The following ANKRD44 variants were observed in gnomAD, a reference collection of about 807,000 sequenced individuals.
The protein encoded by ANKRD44 is ankyrin repeat domain 44.
Under a neutral mutation model 116.0 loss-of-function variants are expected in ANKRD44, and 35 were observed. The ratio of observed to expected loss-of-function variants is 0.30; its 90% CI spans 0.23 to 0.40. The LOEUF is 0.40. Ranked by LOEUF, ANKRD44 falls within the 10% of genes least tolerant of loss-of-function variation. The pLI is 1.00. For synonymous variants in ANKRD44, 435 were observed against 461.8 expected (o/e 0.94, Z 0.74); for missense variants, 1,014 against 1,242.6 (o/e 0.82, Z 2.77).
At chr2:197,232,212 C>T (rs72928723) in intron 1 of ANKRD44, among the ~76,000 whole-genome samples, 5 of 152,290 alleles carry the variant, frequency 3.3e-5, no homozygotes, top group Non-Finnish European at 7.3e-5. Context: ...CAAAACTTCA[C>T]GCAGACCCAA....
intron 2 of ANKRD44, among the ~76,000 whole-genome samples, chr2:197,171,229 A>G (rs2080226353): frequency 6.6e-6 from 1 of 152,182 alleles, no homozygotes; most frequent in Non-Finnish European, 1.5e-5. Flanking sequence ...TTCTTTGAAG[A>G]TGATAGTGGC....
intron 21 of ANKRD44, among the ~76,000 whole-genome samples, chr2:197,003,778 C>T (rs1001939155): frequency 1.3e-5 from 2 of 152,060 alleles, no homozygotes; most frequent in East Asian, 3.9e-4. Flanking sequence ...TGTAGGTTCT[C>T]CAGTGCCAGA....
intron 21 of ANKRD44, among the ~76,000 whole-genome samples, chr2:196,974,664 C>G (rs1463155950): frequency 6.6e-6 from 1 of 151,894 alleles, no homozygotes; most frequent in Admixed American, 6.6e-5. Flanking sequence ...CCAAGGCAGG[C>G]AGATCACCTG....
intron 1 of ANKRD44, among the ~76,000 whole-genome samples, chr2:197,282,830 T>A (rs1896855): frequency 3.3e-5 from 5 of 152,114 alleles, no homozygotes; most frequent in Non-Finnish European, 7.3e-5. Context: ...TAATGACATG[T>A]GCCTGTAATC....
downstream of ANKRD44, among the ~76,000 whole-genome samples, chr2:196,983,032 T>C (rs564752839): frequency 1.5e-4 from 23 of 152,040 alleles, no homozygotes; most frequent in South Asian, 4.6e-3. Context: ...TGTTGGTGGG[T>C]TGGGGTAAGG....
intron 27 of ANKRD44, 131 bp downstream of exon 27, chr2:196,993,452 C>G: frequency 1.4e-6 from 1 of 721,700 alleles, no homozygotes; most frequent in Non-Finnish European, 2.3e-6. Context: ...CTTGATTTCT[C>G]ACACACAGGA....
At chr2:197,206,875 G>A (rs1231524223) in intron 1 of ANKRD44, among the ~76,000 whole-genome samples, 1 of 152,176 alleles carries the variant, frequency 6.6e-6, no homozygotes, top group Non-Finnish European at 1.5e-5. Context: ...TGCAAGGCCA[G>A]TACTCTTTAG....
At chr2:197,125,557 A>G (rs1353837938) in intron 5 of ANKRD44, 89 bp from the exon 6 acceptor site, 6 of 1,241,680 alleles carry the variant, frequency 4.8e-6, no homozygotes, top group Non-Finnish European at 7.1e-6. Flanking sequence ...CCAAATTAAC[A>G]TGAAATCTAA....
At chr2:197,206,735 A>G (rs554896510) in intron 1 of ANKRD44, among the ~76,000 whole-genome samples, 20 of 152,324 alleles carry the variant, frequency 1.3e-4, no homozygotes, top group East Asian at 5.8e-4. Flanking sequence ...ACAAACAAAA[A>G]GCATTTTGGT....
intron 16 of ANKRD44, among the ~76,000 whole-genome samples, chr2:197,070,075 T>A (rs913666406): frequency 2.0e-5 from 3 of 152,152 alleles, no homozygotes; most frequent in Non-Finnish European, 4.4e-5. Context: ...TGCAATTGAT[T>A]TTTATACGTT....
chr2:196,976,871 A>AGAAG (rs144104097), intron 21 of ANKRD44, among the ~76,000 whole-genome samples: 3 of 149,726 alleles, frequency 2.0e-5, no homozygotes, highest in Admixed American at 1.3e-4. Flanking sequence ...TTGTCTCAAA[A>AGAAG]GAAGGAAGGA....
At chr2:197,263,143 C>T (rs924268366) in intron 1 of ANKRD44, 1 of 480,442 alleles carries the variant, frequency 2.1e-6, no homozygotes, top group South Asian at 1.9e-5. Context: ...TCTCCACTCC[C>T]TCCTTGGTCA....
intron 19 of ANKRD44, 55 bp from the exon 20 acceptor site, chr2:197,007,978 C>A: frequency 8.7e-7 from 1 of 1,154,610 alleles, no homozygotes; most frequent in Non-Finnish European, 1.3e-6. Flanking sequence ...AAATATTCAT[C>A]ACTACCAGTA....
At position 197,256,573 on chromosome 2, in the gene ANKRD44, A is replaced by G. The variant is rs541289985; in HGVS notation, c.27+54005T>C. ...AGATGAACAGGAAAAAAAATATGTC[A>G]TGAACCTGAAGTTAAACATCTACTT... On this transcript the variant is annotated intron_variant, in intron 1 of 27. Coordinates refer to ENST00000282272, the MANE Select transcript of ANKRD44 (RefSeq NM_001195144.2). Among the ~76,000 whole-genome samples, 241 of 152,358 alleles carry G rather than the reference A, an allele frequency of 1.6e-3. 1 individual carries two copies. Among genetic ancestry groups the G allele is most frequent in the African/African-American group, 5.6e-3 (234 of 41,582 alleles).
intron 6 of ANKRD44, among the ~76,000 whole-genome samples, chr2:197,123,633 A>AAAAT (rs747069558): frequency 5.3e-5 from 8 of 152,198 alleles, no homozygotes; most frequent in Non-Finnish European, 7.3e-5. Context: ...CTTGTCTCAA[A>AAAAT]AAATAAATAA....
At chr2:197,026,268 G>A (rs1040216598) in intron 16 of ANKRD44, among the ~76,000 whole-genome samples, 2 of 152,182 alleles carry the variant, frequency 1.3e-5, no homozygotes, top group African/African-American at 4.8e-5. Flanking sequence ...TATTGCAGAG[G>A]TGGACCTACT....
chr2:197,183,015 C>T (rs1012696735), intron 2 of ANKRD44, among the ~76,000 whole-genome samples: 2 of 151,930 alleles, frequency 1.3e-5, no homozygotes, highest in African/African-American at 2.4e-5. Context: ...TGGAAGGACA[C>T]ATGGAATTGG....
intron 2 of ANKRD44, among the ~76,000 whole-genome samples, chr2:197,154,226 C>A (rs552608116): frequency 9.5e-5 from 13 of 137,270 alleles, no homozygotes; most frequent in African/African-American, 3.2e-4. Flanking sequence ...GTCGCCCAGG[C>A]TGGAGTGCAG....
At chr2:197,053,603 C>A (rs1378536440) in intron 16 of ANKRD44, among the ~76,000 whole-genome samples, 1 of 152,150 alleles carries the variant, frequency 6.6e-6, no homozygotes, top group African/African-American at 2.4e-5. Flanking sequence ...CCTGCCTCAG[C>A]CTCCCGAGTA....
Sources: allele counts gnomAD v4.1 joint callset (sites outside exome capture counted in the v4.1 genomes callset), GRCh38; gene constraint gnomAD v4.1.1; transcripts MANE v1.5; gene names NCBI Gene and HGNC (gene_info 2026-07-23, HGNC 2026-07-21).